Variants in CFAP210 observed in about 807,000 individuals in gnomAD.
CFAP210 encodes cilia and flagella associated protein 210.
the CFAP210 span, among the ~76,000 whole-genome samples, chr2:169,670,859 A>G: frequency 2.0e-5 from 3 of 152,348 alleles, no homozygotes; most frequent in African/African-American, 7.2e-5. Context: ...GTTACTATGT[A>G]TAGCCACACT....
the CFAP210 span, among the ~76,000 whole-genome samples, chr2:169,676,838 T>C: frequency 6.6e-6 from 1 of 152,192 alleles, no homozygotes; most frequent in Non-Finnish European, 1.5e-5. Flanking sequence ...AGTTTATGCC[T>C]ATCTGTAGTT....
chr2:169,666,330 T>C, the CFAP210 span, among the ~76,000 whole-genome samples: 1 of 151,166 alleles, frequency 6.6e-6, no homozygotes, highest in African/African-American at 2.4e-5. Context: ...GCTCGAATTC[T>C]AGTGAGGGAG....
the CFAP210 span, among the ~76,000 whole-genome samples, chr2:169,685,702 T>G: frequency 1.6e-5 from 2 of 126,342 alleles, no homozygotes; most frequent in East Asian, 2.1e-4. Context: ...TAAAGATGTA[T>G]GTATAAGTTT....
chr2:169,693,741 G>C, the CFAP210 span, among the ~76,000 whole-genome samples: 5 of 152,226 alleles, frequency 3.3e-5, no homozygotes, highest in East Asian at 5.8e-4. Flanking sequence ...AAAAGCATTT[G>C]ACTTAGAGAG....
the CFAP210 span, chr2:169,650,486 A>T: frequency 6.3e-7 from 1 of 1,588,156 alleles, no homozygotes; most frequent in South Asian, 1.2e-5. Context: ...TTCACTCAGG[A>T]AGTTATGTAT....
the CFAP210 span, among the ~76,000 whole-genome samples, chr2:169,648,632 G>A: frequency 1.3e-5 from 2 of 152,134 alleles, no homozygotes; most frequent in Admixed American, 1.3e-4. Context: ...GTAAAATAAA[G>A]CCATAAGATA....
chr2:169,692,164 C>T, the CFAP210 span, among the ~76,000 whole-genome samples: 1 of 152,068 alleles, frequency 6.6e-6, no homozygotes, highest in African/African-American at 2.4e-5. Context: ...TTTCCAAAGC[C>T]CCCTATGGAC....
At chr2:169,649,476 A>G in the CFAP210 span, 1 of 766,244 alleles carries the variant, frequency 1.3e-6, no homozygotes, top group Non-Finnish European at 2.1e-6. Context: ...AGAAAAGTGC[A>G]TGCACCTGGG....
chr2:169,651,875 C>CTT, the CFAP210 span, among the ~76,000 whole-genome samples: 9 of 143,796 alleles, frequency 6.3e-5, no homozygotes, highest in Admixed American at 2.8e-4. Context: ...TATAAGGTTC[C>CTT]TTTTTTTTTT....
chr2:169,691,820 A>G, the CFAP210 span, among the ~76,000 whole-genome samples: 3 of 152,184 alleles, frequency 2.0e-5, no homozygotes, highest in Admixed American at 2.0e-4. Context: ...CTCTGAACCA[A>G]TTCTGTAGTC....
the CFAP210 span, among the ~76,000 whole-genome samples, chr2:169,669,798 G>A: frequency 2.0e-5 from 3 of 149,414 alleles, no homozygotes; most frequent in East Asian, 3.9e-4. Flanking sequence ...AAAAAATGCC[G>A]CTGGAAACGC....
chr2:169,692,369 G>T, the CFAP210 span, among the ~76,000 whole-genome samples: 1 of 151,782 alleles, frequency 6.6e-6, no homozygotes, highest in Non-Finnish European at 1.5e-5. Flanking sequence ...CATCTGGCAG[G>T]GGCCTTCTTG....
At chr2:169,663,447 C>T in the CFAP210 span, among the ~76,000 whole-genome samples, 5 of 152,136 alleles carry the variant, frequency 3.3e-5, no homozygotes, top group Admixed American at 6.5e-5. Context: ...GCAATCCTCC[C>T]GCCTAAGCCT....
the CFAP210 span, among the ~76,000 whole-genome samples, chr2:169,646,416 C>T: frequency 6.6e-6 from 1 of 152,110 alleles, no homozygotes; most frequent in African/African-American, 2.4e-5. Context: ...GCAAATAGCA[C>T]AGTGAAATAG....
At chr2:169,671,167 C>T in the CFAP210 span, among the ~76,000 whole-genome samples, 1 of 152,190 alleles carries the variant, frequency 6.6e-6, no homozygotes, top group East Asian at 1.9e-4. Flanking sequence ...TTTCACAATG[C>T]CCCCTTTGTC....
chr2:169,683,943 A>G, the CFAP210 span, among the ~76,000 whole-genome samples: 207 of 152,322 alleles, frequency 1.4e-3, no homozygotes, highest in Non-Finnish European at 2.4e-3. Flanking sequence ...CAAGTTCCCC[A>G]TATCTTTGGA....
chr2:169,659,638 C>T, the CFAP210 span, among the ~76,000 whole-genome samples: 20 of 152,198 alleles, frequency 1.3e-4, no homozygotes, highest in Non-Finnish European at 2.6e-4. Context: ...CACAATTCAA[C>T]AAGGGATTTG....
At chr2:169,652,702 G>A in the CFAP210 span, among the ~76,000 whole-genome samples, 2 of 151,866 alleles carry the variant, frequency 1.3e-5, no homozygotes, top group African/African-American at 4.8e-5. Context: ...AAAATAAATA[G>A]TTTTAAAAAA....
the CFAP210 span, chr2:169,650,288 C>G: frequency 1.1e-5 from 17 of 1,499,016 alleles, no homozygotes; most frequent in Non-Finnish European, 1.5e-5. Context: ...AAGGTCCTAA[C>G]TCTGTCTTTC....
Sources: gnomAD v4.1 joint callset for allele counts (sites outside exome capture counted in the v4.1 genomes callset) on GRCh38, gnomAD v4.1.1 for gene constraint, MANE v1.5 for transcripts, NCBI Gene and HGNC (gene_info 2026-07-23, HGNC 2026-07-21) for gene names.